Variants in NRXN3 observed in about 807,000 individuals in gnomAD.
NRXN3 encodes neurexin III.
NRXN3 carries 32 observed loss-of-function variants against 137.6 expected under a neutral mutation model. The observed-to-expected ratio is 0.23, with a 90% confidence interval of 0.18 to 0.31. The LOEUF (loss-of-function observed/expected upper bound fraction) is 0.31. NRXN3 is among the 10% of genes least tolerant of loss of function. The pLI is 1.00. For synonymous variants in NRXN3, 798 were observed against 784.5 expected, an observed-to-expected ratio of 1.02 and a Z score of -0.29; for missense variants, 1,574 against 2,062.5, an observed-to-expected ratio of 0.76 and a Z score of 4.59.
chr14:79,040,929 T>A (rs932152886), intron 15 of NRXN3, among the ~76,000 whole-genome samples: 1 of 152,184 alleles, frequency 6.6e-6, no homozygotes, highest in Non-Finnish European at 1.5e-5. Context: ...TCTGTGTGGC[T>A]GTGGGCATGT....
intron 15 of NRXN3, among the ~76,000 whole-genome samples, chr14:79,085,727 GGA>G (rs897662051): frequency 1.3e-5 from 2 of 152,068 alleles, no homozygotes; most frequent in African/African-American, 4.8e-5. Flanking sequence ...GAAGAAACGA[GGA>G]GAGAGAGGGA....
chr14:79,226,943 C>G (rs1047432419), intron 15 of NRXN3, among the ~76,000 whole-genome samples: 8 of 150,834 alleles, frequency 5.3e-5, no homozygotes, highest in African/African-American at 2.0e-4. Flanking sequence ...AAGTAATCCT[C>G]CTGAATAGCT....
intron 2 of NRXN3, among the ~76,000 whole-genome samples, chr14:78,254,740 A>C (rs1230649096): frequency 1.3e-5 from 2 of 151,978 alleles, no homozygotes; most frequent in African/African-American, 4.8e-5. Flanking sequence ...AGGGGATTGG[A>C]TTAGACTTGC....
intron 15 of NRXN3, among the ~76,000 whole-genome samples, chr14:79,332,519 G>C (rs1351761546): frequency 6.6e-6 from 1 of 152,122 alleles, no homozygotes; most frequent in African/African-American, 2.4e-5. Flanking sequence ...AGATTTAAAT[G>C]GCATCTTCCT....
chr14:79,613,395 A>G (rs902724296), intron 16 of NRXN3, among the ~76,000 whole-genome samples: 1 of 152,200 alleles, frequency 6.6e-6, no homozygotes, highest in Admixed American at 6.5e-5. Context: ...CTAAGAGGAA[A>G]AAGCTTAATT....
At chr14:78,788,828 G>A (rs1464230598) in intron 8 of NRXN3, among the ~76,000 whole-genome samples, 1 of 152,002 alleles carries the variant, frequency 6.6e-6, no homozygotes, top group Admixed American at 6.6e-5. Flanking sequence ...TATTACACTT[G>A]GGAAACTGAG....
chr14:79,193,058 C>A (rs2064627908), intron 15 of NRXN3, among the ~76,000 whole-genome samples: 1 of 151,938 alleles, frequency 6.6e-6, no homozygotes, highest in Non-Finnish European at 1.5e-5. Flanking sequence ...CGTGAGCCAC[C>A]ACGCCTGGCT....
chr14:78,979,312 A>G (rs2099482155), intron 14 of NRXN3, among the ~76,000 whole-genome samples: 1 of 152,188 alleles, frequency 6.6e-6, no homozygotes, highest in South Asian at 2.1e-4. Context: ...TTTAATTTTT[A>G]TATTTTAGCA....
chr14:78,546,318 T>G (rs2152137124), intron 4 of NRXN3, among the ~76,000 whole-genome samples: 1 of 152,354 alleles, frequency 6.6e-6, no homozygotes, highest in East Asian at 1.9e-4. Context: ...TGTTAGTGAA[T>G]CTGAGCATTT....
intron 19 of NRXN3, among the ~76,000 whole-genome samples, chr14:79,742,306 A>G (rs550556899): frequency 2.6e-5 from 4 of 152,280 alleles, no homozygotes; most frequent in Non-Finnish European, 5.9e-5. Context: ...CCTCTTGTTA[A>G]TTGAATTGAG....
At chr14:79,694,924 A>T (rs947445647) in intron 18 of NRXN3, among the ~76,000 whole-genome samples, 2 of 152,010 alleles carry the variant, frequency 1.3e-5, no homozygotes, top group South Asian at 4.1e-4. Context: ...ACAGAAAAGC[A>T]AACACTCCCT....
intron 8 of NRXN3, among the ~76,000 whole-genome samples, chr14:78,778,756 TTCTCTTTCTTTCTTTCTTTC>T (rs1472400905): frequency 1.1e-4 from 13 of 116,770 alleles, no homozygotes; most frequent in African/African-American, 4.2e-4. Context: ...CTTTCCTTCT[TTCTCTTTCTTTCTTTCTTTC>T]TTTCTTTCTT....
intron 19 of NRXN3, among the ~76,000 whole-genome samples, chr14:79,775,477 A>T (rs2099093835): frequency 6.6e-6 from 1 of 151,202 alleles, no homozygotes; most frequent in Non-Finnish European, 1.5e-5. Flanking sequence ...TAAATTATTC[A>T]TAGGGAAAGA....
intron 17 of NRXN3, among the ~76,000 whole-genome samples, chr14:79,665,970 G>T (rs970036477): frequency 2.0e-5 from 3 of 152,102 alleles, no homozygotes; most frequent in African/African-American, 7.2e-5. Flanking sequence ...GCATTTATAA[G>T]TATGGGCCTT....
intron 3 of NRXN3, among the ~76,000 whole-genome samples, chr14:78,288,834 C>A (rs2075472666): frequency 6.6e-6 from 1 of 152,226 alleles, no homozygotes; most frequent in Non-Finnish European, 1.5e-5. Flanking sequence ...TGGAGACATT[C>A]TTTCCCCTAC....
At chr14:78,572,585 A>G (rs1457859233) in intron 4 of NRXN3, among the ~76,000 whole-genome samples, 2 of 152,204 alleles carry the variant, frequency 1.3e-5, no homozygotes, top group African/African-American at 2.4e-5. Flanking sequence ...TCCCTGGGCC[A>G]CAGTGGAAGA....
chr14:79,769,099 G>T (rs532117871), intron 19 of NRXN3, among the ~76,000 whole-genome samples: 2 of 151,974 alleles, frequency 1.3e-5, no homozygotes, highest in Admixed American at 6.6e-5. Context: ...AACGAGCAAA[G>T]CCTCCAAGAA....
chr14:78,737,360 C>T (rs543846531), intron 8 of NRXN3, among the ~76,000 whole-genome samples: 26 of 152,158 alleles, frequency 1.7e-4, no homozygotes, highest in Non-Finnish European at 3.4e-4. Context: ...ATAGGAAATC[C>T]GGATAGAGTT....
intron 19 of NRXN3, among the ~76,000 whole-genome samples, chr14:79,759,862 T>C (rs2099032393): frequency 6.6e-6 from 1 of 151,678 alleles, no homozygotes; most frequent in Non-Finnish European, 1.5e-5. Flanking sequence ...TCAAAATATA[T>C]CTATATGACA....
Sources: allele counts gnomAD v4.1 joint callset (sites outside exome capture counted in the v4.1 genomes callset), GRCh38; gene constraint gnomAD v4.1.1; transcripts MANE v1.5; gene names NCBI Gene and HGNC (gene_info 2026-07-23, HGNC 2026-07-21).